Variants in WWOX observed in about 807,000 individuals in gnomAD.
The protein encoded by WWOX is WW domain-containing oxidoreductase.
WWOX carries 69 observed loss-of-function variants against 46.2 expected under a neutral mutation model. The observed-to-expected ratio is 1.49, with a 90% CI of 1.23 to 1.82. The LOEUF (loss-of-function observed/expected upper bound fraction) is 1.82, where lower values mean the gene tolerates loss of function less well. WWOX is among the 40% of genes most tolerant of loss of function. WWOX has a pLI of 0.00. For missense variants in WWOX, 919 were observed against 542.6 expected (o/e 1.69, Z -6.89); for synonymous variants, 359 against 202.6 (o/e 1.77, Z -6.56).
intron 8 of WWOX, among the ~76,000 whole-genome samples, chr16:78,728,114 G>C (rs1016518817): frequency 7.5e-6 from 1 of 132,530 alleles, no homozygotes; most frequent in Non-Finnish European, 1.5e-5. Flanking sequence ...ACCCAAGCTG[G>C]AGTGCAGTGG....
At chr16:78,469,277 C>T (rs1362380265) in intron 8 of WWOX, among the ~76,000 whole-genome samples, 2 of 152,016 alleles carry the variant, frequency 1.3e-5, no homozygotes, top group African/African-American at 2.4e-5. Context: ...AGAACTGGTA[C>T]TATGAAGACA....
chr16:79,000,121 C>T (rs1415585665), intron 8 of WWOX, among the ~76,000 whole-genome samples: 1 of 152,218 alleles, frequency 6.6e-6, no homozygotes, highest in South Asian at 2.1e-4. Context: ...CACCATTTGA[C>T]TGCTGCTCCT....
chr16:78,335,348 G>C (rs1276277766), intron 5 of WWOX, among the ~76,000 whole-genome samples: 1 of 152,112 alleles, frequency 6.6e-6, no homozygotes, highest in South Asian at 2.1e-4. Context: ...TCATCATGCA[G>C]CTCCCACTTA....
intron 8 of WWOX, among the ~76,000 whole-genome samples, chr16:79,050,133 C>T (rs917262465): frequency 1.3e-5 from 2 of 152,134 alleles, no homozygotes; most frequent in African/African-American, 4.8e-5. Flanking sequence ...CTGAGTGGCT[C>T]ACGGCAATCA....
At chr16:78,552,563 G>T (rs776275106) in intron 8 of WWOX, 6 of 152,226 alleles carry the variant, frequency 3.9e-5, no homozygotes, top group Admixed American at 1.3e-4. Context: ...CCTGAACTGA[G>T]TATCCGGTGG....
intron 8 of WWOX, chr16:78,899,480 T>TG (rs2044775063): frequency 6.6e-6 from 1 of 152,168 alleles, no homozygotes; most frequent in Non-Finnish European, 1.5e-5. Flanking sequence ...ATACAATGAC[T>TG]GATACACAGT....
chr16:78,203,628 A>G (rs561309360), intron 5 of WWOX, among the ~76,000 whole-genome samples: 5 of 152,312 alleles, frequency 3.3e-5, no homozygotes, highest in African/African-American at 1.2e-4. Context: ...AAGAGATGTC[A>G]GTTAACATTC....
intron 6 of WWOX, among the ~76,000 whole-genome samples, chr16:78,410,035 G>T (rs944721492): frequency 1.3e-5 from 2 of 152,274 alleles, no homozygotes; most frequent in East Asian, 3.9e-4. Context: ...TTGGATCATG[G>T]GGGTGGAACC....
intron 8 of WWOX, among the ~76,000 whole-genome samples, chr16:78,726,288 G>A (rs1460045254): frequency 6.6e-6 from 1 of 151,086 alleles, no homozygotes. Context: ...GCAGTGGCAT[G>A]ATCACGGTTC....
intron 8 of WWOX, among the ~76,000 whole-genome samples, chr16:78,602,898 C>G (rs2045656228): frequency 6.6e-6 from 1 of 152,158 alleles, no homozygotes; most frequent in Non-Finnish European, 1.5e-5. Context: ...TGAATCTCCG[C>G]TCTGTCTTCT....
intron 8 of WWOX, among the ~76,000 whole-genome samples, chr16:78,906,523 C>G (rs372981711): frequency 6.6e-6 from 1 of 152,192 alleles, no homozygotes; most frequent in Non-Finnish European, 1.5e-5. Context: ...AATCAGGCCA[C>G]GATTGCAGGG....
intron 8 of WWOX, among the ~76,000 whole-genome samples, chr16:78,917,715 C>A (rs975429019): frequency 3.9e-5 from 6 of 152,042 alleles, no homozygotes; most frequent in Non-Finnish European, 7.4e-5. Flanking sequence ...ACTGTATCTC[C>A]TGTTTTTGGT....
At chr16:78,415,513 C>G (rs984054489) in intron 6 of WWOX, among the ~76,000 whole-genome samples, 1 of 152,118 alleles carries the variant, frequency 6.6e-6, no homozygotes, top group Admixed American at 6.5e-5. Flanking sequence ...TTTACCCAGC[C>G]CCTATTCAAA....
chr16:78,952,229 C>G (rs1268770637), intron 8 of WWOX, among the ~76,000 whole-genome samples: 2 of 152,104 alleles, frequency 1.3e-5, no homozygotes, highest in African/African-American at 4.8e-5. Flanking sequence ...TTTGCCTCTA[C>G]TCAGTCTTTA....
intron 8 of WWOX, among the ~76,000 whole-genome samples, chr16:79,100,426 A>C (rs942450981): frequency 1.6e-4 from 24 of 152,178 alleles, no homozygotes; most frequent in African/African-American, 5.8e-4. Context: ...TTGTATCTTT[A>C]AGTGGCCTTT....
chr16:78,617,224 C>G lies in WWOX; in HGVS notation c.1056+184472C>G, dbSNP rs143110012. Among the ~76,000 whole-genome samples, 18 of 152,134 alleles carry G rather than the reference C, an allele frequency of 1.2e-4. No homozygotes were observed. In the South Asian group the frequency reaches 3.3e-3, roughly 28 times the overall value. The stretch of plus-strand genomic sequence containing the variant: ...CCCCGGAGTTGAAGACCAGCCTGGG[C>G]AACACGGTGAAACTAAGAATAGAAA... On this transcript the variant is annotated intron_variant, in intron 8 of 8. Coordinates refer to ENST00000566780, the MANE Select transcript of WWOX (RefSeq NM_016373.4).
chr16:79,059,906 G>T (rs920555392), intron 8 of WWOX, among the ~76,000 whole-genome samples: 1 of 152,184 alleles, frequency 6.6e-6, no homozygotes, highest in Non-Finnish European at 1.5e-5. Flanking sequence ...ATCAAGTTCA[G>T]ATTCTTTTTT....
At chr16:79,085,730 G>A (rs1334654940) in intron 8 of WWOX, among the ~76,000 whole-genome samples, 18 of 152,054 alleles carry the variant, frequency 1.2e-4, no homozygotes. Context: ...ATAGTCAAAA[G>A]GCATTCAGAA....
intron 5 of WWOX, among the ~76,000 whole-genome samples, chr16:78,173,459 T>A (rs1426788564): frequency 6.6e-6 from 1 of 150,436 alleles, no homozygotes; most frequent in Non-Finnish European, 1.5e-5. Flanking sequence ...TGGCTAATTT[T>A]TTTTTTTTTT....
Sources: allele counts gnomAD v4.1 joint callset (sites outside exome capture counted in the v4.1 genomes callset), GRCh38; gene constraint gnomAD v4.1.1; transcripts MANE v1.5; gene names NCBI Gene and HGNC (gene_info 2026-07-23, HGNC 2026-07-21).